The following BBS7 variants were observed in gnomAD, a reference collection of about 807,000 sequenced individuals.
BBS7 encodes Bardet-Biedl syndrome 7.
In BBS7, 50 loss-of-function variants were observed where a neutral mutation model predicts 90.3. The ratio of observed to expected loss-of-function variants is 0.55; its 90% CI spans 0.44 to 0.70. The LOEUF is 0.70. BBS7 is among the 30% of genes least tolerant of loss of function. The pLI, the probability that BBS7 is intolerant of heterozygous loss-of-function variation, is 0.00. For synonymous variants in BBS7, 235 were observed against 287.4 expected, an observed-to-expected ratio of 0.82 and a Z score of 1.85; for missense variants, 729 against 838.9, an observed-to-expected ratio of 0.87 and a Z score of 1.62.
chr4:121,854,662 A>AATT, intron 7 of BBS7, 42 bp downstream of exon 7: 2 of 1,582,684 alleles, frequency 1.3e-6, no homozygotes, highest in Non-Finnish European at 1.7e-6. Flanking sequence ...GATACTTAAT[A>AATT]ATCATTGACA....
At chr4:121,839,288 C>T (rs1041818096) in intron 13 of BBS7, among the ~76,000 whole-genome samples, 1 of 151,908 alleles carries the variant, frequency 6.6e-6, no homozygotes, top group Non-Finnish European at 1.5e-5. Context: ...AATTTTAGGC[C>T]GGGCATGGTG....
In BBS7 at chr4:121,827,020, A is replaced by T. The variant is rs535263689; in HGVS notation, c.2015-1027T>A. Among the ~76,000 whole-genome samples the T allele has an allele frequency of 2.0e-5, 3 of 152,242 alleles. No individual in the cohort carries two copies. In the South Asian group the frequency reaches 6.2e-4, roughly 32 times the overall value. The stretch of plus-strand genomic sequence containing the variant: ...AACAAACAAACAAAAAATATATATA[A>T]AACCTCATGTCAGTTTAAGTCAGAT... On this transcript the variant is annotated intron_variant, in intron 18 of 18. Transcript: ENST00000264499.
Position 121,832,009 on chromosome 4 carries a change from A to AACACACACACACACACACACACAC in BBS7, c.1676+1198_1676+1221dup, listed in dbSNP as rs375865529. 1.5e-4 allele frequency among the ~76,000 whole-genome samples: 22 copies of AACACACACACACACACACACACAC among 142,870 alleles called. No individual in the cohort carries two copies. The East Asian group carries it at 2.7e-3, about 18-fold the overall frequency. 93.7% of individuals were successfully genotyped at this position (142,870 alleles called of 152,430 possible). A position where few individuals can be genotyped will look rare whatever the true frequency, so the allele number is the denominator to read the frequency against. The stretch of plus-strand genomic sequence containing the variant: ...AATAACACAAAGCAAAAAAAACAAA[A>AACACACACACACACACACACACAC]ACACACACACACACACACACACACA... On this transcript the variant is annotated intron_variant, in intron 15 of 18. Transcript: ENST00000264499.
chr4:121,847,788 A>G (rs1726091831), intron 9 of BBS7, among the ~76,000 whole-genome samples: 2 of 152,106 alleles, frequency 1.3e-5, no homozygotes, highest in Admixed American at 1.3e-4. Flanking sequence ...GATTTAAAGT[A>G]TGGAATAAGT....
At chr4:121,838,198 G>A (rs759174240) in intron 13 of BBS7, among the ~76,000 whole-genome samples, 6 of 151,446 alleles carry the variant, frequency 4.0e-5, no homozygotes, top group African/African-American at 7.3e-5. Flanking sequence ...GTTTAAATGT[G>A]TTTTTTCTTT....
At chr4:121,828,122 G>A in intron 18 of BBS7, 24 bp downstream of exon 18, 1 of 1,611,806 alleles carries the variant, frequency 6.2e-7, no homozygotes, top group Non-Finnish European at 8.5e-7. Flanking sequence ...AATATGGCAA[G>A]GTATTCTAGA....
intron 8 of BBS7, among the ~76,000 whole-genome samples, chr4:121,850,308 G>C (rs1244982096): frequency 6.6e-6 from 1 of 151,872 alleles, no homozygotes; most frequent in African/African-American, 2.4e-5. Context: ...GGGACTACAG[G>C]TGTACACCAC....
intron 12 of BBS7, among the ~76,000 whole-genome samples, chr4:121,841,415 AT>A (rs1725733070): frequency 6.6e-6 from 1 of 152,076 alleles, no homozygotes. Context: ...AATAAAAAAA[AT>A]TAGCTGGGCA....
At chr4:121,841,066 C>T (rs1286046189) in intron 12 of BBS7, among the ~76,000 whole-genome samples, 1 of 152,114 alleles carries the variant, frequency 6.6e-6, no homozygotes, top group Non-Finnish European at 1.5e-5. Context: ...TCTTGAATTC[C>T]TGGCCTCAAG....
chr4:121,855,815 C>T (rs1355316568), intron 5 of BBS7, among the ~76,000 whole-genome samples: 2 of 93,912 alleles, frequency 2.1e-5, no homozygotes, highest in South Asian at 3.6e-4. Flanking sequence ...TATGTACACA[C>T]ATGTATACAT....
At position 121,828,743 on chromosome 4, in the gene BBS7, T is replaced by C. The variant is rs745842757; in HGVS notation, c.1677-15A>G. 1.4e-6 allele frequency: 2 copies of C among 1,422,250 alleles called. No individual in the cohort carries two copies. The highest frequency in any genetic ancestry group is 1.9e-6 in the Non-Finnish European group (2 of 1,028,638). 88.1% of individuals were successfully genotyped at this position (1,422,250 alleles called of 1,614,324 possible). ...CCTCTCCTTTTCTATAAAATTAATA[T>C]ATTTTTTAAAAGAATAGCTGTAGAA... On this transcript the variant is annotated splice_polypyrimidine_tract_variant and intron_variant, in intron 15 of 18. Coordinates refer to ENST00000264499, the MANE Select transcript of BBS7 (RefSeq NM_176824.3).
At chr4:121,842,294 C>T (rs1000020907) in intron 12 of BBS7, among the ~76,000 whole-genome samples, 1 of 148,496 alleles carries the variant, frequency 6.7e-6, no homozygotes, top group African/African-American at 2.5e-5. Flanking sequence ...ATTCTTTTAT[C>T]TATCAATATT....
At position 121,863,109 on chromosome 4, in the gene BBS7, C is replaced by T. The variant is rs1280120388; in HGVS notation, c.165+108G>A. On this transcript the variant is annotated intron_variant, in intron 3 of 18. Coordinates refer to ENST00000264499, the MANE Select transcript of BBS7 (RefSeq NM_176824.3). The stretch of plus-strand genomic sequence containing the variant: ...CTCACATAACTACTTACCTCAGAAC[C>T]CATTTTCCATTACCTGTATTTTAGG... 2.0e-5 allele frequency: 21 copies of T among 1,037,676 alleles called. No individual in the cohort carries two copies. In the East Asian group the frequency reaches 3.6e-4, roughly 18 times the overall value. The allele number at this position is 1,037,676 out of a possible 1,614,324, so 64.3% of individuals were successfully genotyped here.
intron 5 of BBS7, among the ~76,000 whole-genome samples, chr4:121,857,808 C>CTTTTTT (rs5861541): frequency 3.0e-5 from 4 of 132,388 alleles, no homozygotes; most frequent in African/African-American, 8.5e-5. Flanking sequence ...TTTTTCTTTT[C>CTTTTTT]TTTTTTTTTT....
At chr4:121,840,059 T>G (rs1725658471) in intron 12 of BBS7, among the ~76,000 whole-genome samples, 1 of 152,216 alleles carries the variant, frequency 6.6e-6, no homozygotes, top group Admixed American at 6.5e-5. Context: ...TGTGATATGG[T>G]TTGGCTCTGT....
intron 14 of BBS7, among the ~76,000 whole-genome samples, chr4:121,833,764 C>T (rs991014262): frequency 2.6e-5 from 4 of 151,802 alleles, no homozygotes; most frequent in African/African-American, 9.7e-5. Context: ...AGGCTGGTCT[C>T]AAACTCCAGG....
At chr4:121,868,635 C>A (rs1306097029) in intron 1 of BBS7, among the ~76,000 whole-genome samples, 2 of 119,652 alleles carry the variant, frequency 1.7e-5, no homozygotes, top group Admixed American at 2.4e-4. Flanking sequence ...GAGTCATGAT[C>A]ATGCCACTGT....
intron 2 of BBS7, among the ~76,000 whole-genome samples, chr4:121,864,447 T>C (rs1295466257): frequency 1.3e-5 from 2 of 152,168 alleles, no homozygotes; most frequent in African/African-American, 4.8e-5. Flanking sequence ...ATTAAACAAG[T>C]TGCAAAAAGT....
chr4:121,866,471 G>T (rs569988565), intron 2 of BBS7, among the ~76,000 whole-genome samples: 2 of 152,076 alleles, frequency 1.3e-5, no homozygotes, highest in Admixed American at 1.3e-4. Context: ...CACCATGTTG[G>T]CCAGGCTGGT....
Sources: allele counts gnomAD v4.1 joint callset (sites outside exome capture counted in the v4.1 genomes callset), GRCh38; gene constraint gnomAD v4.1.1; transcripts MANE v1.5; gene names NCBI Gene and HGNC (gene_info 2026-07-23, HGNC 2026-07-21).